Variants in NUP155 observed in about 807,000 individuals in gnomAD.
The protein encoded by NUP155 is nuclear pore complex protein Nup155.
A neutral mutation model predicts 180.4 loss-of-function variants in NUP155; 71 were observed. The observed-to-expected ratio is 0.39, with a 90% CI of 0.33 to 0.48. The LOEUF (loss-of-function observed/expected upper bound fraction) is 0.48. NUP155 is among the 20% of genes least tolerant of loss of function. NUP155 has a pLI of 0.91. For synonymous variants in NUP155, 582 were observed against 559.5 expected (o/e 1.04, Z -0.57); for missense variants, 1,553 against 1,648.9 (o/e 0.94, Z 1.01).
intron 16 of NUP155, among the ~76,000 whole-genome samples, chr5:37,328,694 A>G (rs1421555252): frequency 2.6e-5 from 4 of 152,160 alleles, no homozygotes; most frequent in Non-Finnish European, 5.9e-5. Context: ...TAGTAGAGAC[A>G]TGGTTTCACC....
chr5:37,334,979 G>A (rs965316071), intron 12 of NUP155, among the ~76,000 whole-genome samples: 60 of 151,950 alleles, frequency 3.9e-4, no homozygotes, highest in Admixed American at 6.6e-5. Flanking sequence ...CCAATGTGGT[G>A]AAACCCTGTC....
At chr5:37,355,724 GACC>G (rs893993780) in intron 4 of NUP155, among the ~76,000 whole-genome samples, 2 of 151,338 alleles carry the variant, frequency 1.3e-5, no homozygotes, top group African/African-American at 2.4e-5. Context: ...GACTACAGGC[GACC>G]ACCACCAAGC....
chr5:37,302,703 A>G (rs1397718121), intron 29 of NUP155, 76 bp downstream of exon 29: 1 of 1,476,514 alleles, frequency 6.8e-7, no homozygotes, highest in Non-Finnish European at 9.5e-7. Flanking sequence ...ATTACTTACC[A>G]AGGGAAGAAT....
intron 17 of NUP155, 141 bp from the exon 18 acceptor site, chr5:37,327,917 T>C (rs1021799395): frequency 2.8e-5 from 24 of 856,316 alleles, no homozygotes; most frequent in South Asian, 4.8e-5. Flanking sequence ...AGTTTGTGTA[T>C]CTAGACACAA....
chr5:37,364,104 C>T (rs773700912), intron 2 of NUP155, 120 bp from the exon 3 acceptor site: 65 of 1,065,148 alleles, frequency 6.1e-5, no homozygotes, highest in Non-Finnish European at 8.5e-5. Flanking sequence ...TTTAATACAA[C>T]ATGGAACCCA....
chr5:37,299,050 TTC>T (rs1742730865), intron 31 of NUP155, 72 bp from the exon 32 acceptor site: 7 of 869,550 alleles, frequency 8.1e-6, no homozygotes, highest in South Asian at 4.2e-5. Context: ...GGTTATTTAA[TTC>T]TGTTTCAAGG....
rs1205826522 is a variant in NUP155 at position 37,299,316 on chromosome 5, T to C, written c.3682+132A>G. ...CCACCATACCCAGGTGACTTCCACT[T>C]ACTCTCTTCTTAGGTATACACAATT... On this transcript the variant is annotated intron_variant, in intron 31 of 34. Transcript: ENST00000231498. The C allele has an allele frequency of 8.4e-6, 9 of 1,068,196 alleles. No homozygotes were observed. The East Asian group carries it at 9.6e-5, about 11-fold the overall frequency. The allele number at this position is 1,068,196 out of a possible 1,614,324, so 66.2% of individuals were successfully genotyped here.
chr5:37,350,567 G>A (rs1746388746), intron 6 of NUP155, among the ~76,000 whole-genome samples: 4 of 152,112 alleles, frequency 2.6e-5, no homozygotes, highest in South Asian at 2.1e-4. Context: ...ACTTTGGGAG[G>A]CCAAGGCAGG....
intron 30 of NUP155, 118 bp downstream of exon 30, chr5:37,301,319 C>T (rs1742850589): frequency 1.5e-6 from 1 of 674,316 alleles, no homozygotes; most frequent in Non-Finnish European, 2.7e-6. Context: ...GCCAAAGATG[C>T]CTTATCTTAT....
At position 37,364,360 on chromosome 5, in the gene NUP155, G is replaced by T; in HGVS notation, c.182C>A (p.Ser61Ter). 6.2e-7 allele frequency: 1 copy of T among 1,611,802 alleles called. No individual in the cohort carries two copies. The highest frequency in any genetic ancestry group is 8.5e-7 in the Non-Finnish European group (1 of 1,177,926). Residue 61 changes from serine (S) to a stop codon, truncating the protein, a stop_gained, in exon 2 of 35, where the codon TCA becomes TAA. Transcript: ENST00000231498. LOFTEE classifies it high-confidence loss of function. ...APNNPTVSGMSDMDYPLQGPG... is the reference protein window; with the variant it reads ...APNNPTVSGM ...TCCTTGCAAAGGATAATCCATATCTGACATGCCAGAAACGGTGGGATTATC... is the reference window on the plus strand; with the variant it reads ...TCCTTGCAAAGGATAATCCATATCTTACATGCCAGAAACGGTGGGATTATC...
intron 32 of NUP155, among the ~76,000 whole-genome samples, chr5:37,295,831 T>A (rs1018300053): frequency 6.7e-6 from 1 of 149,584 alleles, no homozygotes; most frequent in African/African-American, 2.5e-5. Flanking sequence ...GTCTGAGAAG[T>A]GAGGAGCCCC....
At chr5:37,363,732 A>G (rs930307111) in intron 3 of NUP155, among the ~76,000 whole-genome samples, 156 bp downstream of exon 3, 5 of 152,198 alleles carry the variant, frequency 3.3e-5, no homozygotes, top group Admixed American at 2.6e-4. Context: ...CAGAATGCAC[A>G]TTTGAACATC....
chr5:37,296,152 G>A (rs1213249022), intron 32 of NUP155, among the ~76,000 whole-genome samples: 7 of 152,150 alleles, frequency 4.6e-5, no homozygotes, highest in Non-Finnish European at 4.4e-5. Context: ...CCCTCTGCCC[G>A]GCCACCACCC....
At chr5:37,359,004 G>A (rs1163263219) in intron 3 of NUP155, among the ~76,000 whole-genome samples, 1 of 147,208 alleles carries the variant, frequency 6.8e-6, no homozygotes, top group East Asian at 2.0e-4. Flanking sequence ...TAGAGAACGA[G>A]ACTCCGTCTC....
At chr5:37,350,900 G>A (rs1379777212) in intron 6 of NUP155, among the ~76,000 whole-genome samples, 1 of 144,728 alleles carries the variant, frequency 6.9e-6, no homozygotes, top group Non-Finnish European at 1.5e-5. Flanking sequence ...AGTGCATTTT[G>A]TATTTGTATA....
intron 13 of NUP155, among the ~76,000 whole-genome samples, chr5:37,332,822 T>G (rs2150968374): frequency 6.6e-6 from 1 of 152,218 alleles, no homozygotes; most frequent in East Asian, 1.9e-4. Context: ...CTGGGTGTGG[T>G]GGCAAACGCC....
Position 37,289,344 on chromosome 5 carries a change from C to A in NUP155, c.*2556G>T, listed in dbSNP as rs1742143513. The A allele has an allele frequency of 6.6e-6, 1 of 152,324 alleles. No individual in the cohort carries two copies. The highest frequency in any genetic ancestry group is 1.5e-5 in the Non-Finnish European group (1 of 68,124). The allele number at this position is 152,324 out of a possible 1,614,324, so 9.4% of individuals were successfully genotyped here. ...AAAAAAGTAATGCGTTGAACAAACA[C>A]CAAGTACAAAGTATACTAATACAGT... is the stretch of plus-strand genomic sequence containing the variant. On this transcript the variant is annotated 3_prime_UTR_variant, in exon 35 of 35. Transcript: ENST00000231498.
intron 3 of NUP155, among the ~76,000 whole-genome samples, chr5:37,360,914 A>G (rs1246795285): frequency 6.6e-6 from 1 of 152,184 alleles, no homozygotes; most frequent in Non-Finnish European, 1.5e-5. Flanking sequence ...ATCCAAAATG[A>G]GGTATATAAC....
chr5:37,293,040 T>TA (rs1188759261), intron 33 of NUP155, 55 bp from the exon 34 acceptor site: 48 of 1,165,002 alleles, frequency 4.1e-5, no homozygotes, highest in Non-Finnish European at 5.3e-5. Flanking sequence ...ATTGATTATT[T>TA]AAATCATTTA....
Sources: gnomAD v4.1 joint callset for allele counts (sites outside exome capture counted in the v4.1 genomes callset) on GRCh38, gnomAD v4.1.1 for gene constraint, MANE v1.5 for transcripts, NCBI Gene and HGNC (gene_info 2026-07-23, HGNC 2026-07-21) for gene names.